The following MAST4 variants were observed in gnomAD, a reference collection of about 807,000 sequenced individuals.
MAST4 encodes microtubule-associated serine/threonine-protein kinase 4.
A neutral mutation model predicts 162.7 loss-of-function variants in MAST4; 89 were observed. That is an observed-to-expected ratio of 0.55 (90% CI 0.46 to 0.65). MAST4 has a LOEUF of 0.65. Ranked by LOEUF, MAST4 falls within the 30% of genes least tolerant of loss-of-function variation. MAST4 has a pLI of 0.00. For missense variants in MAST4, 3,153 were observed against 3,374.0 expected, an observed-to-expected ratio of 0.93 and a Z score of 1.62; for synonymous variants, 1,479 against 1,361.1, an observed-to-expected ratio of 1.09 and a Z score of -1.91.
At chr5:66,689,962 C>T (rs2149494313) in intron 1 of MAST4, among the ~76,000 whole-genome samples, 1 of 152,120 alleles carries the variant, frequency 6.6e-6, no homozygotes, top group East Asian at 1.9e-4. Context: ...ACTTGGCCTC[C>T]TCTATTGGAA....
At chr5:67,032,359 T>C (rs944520632) in intron 4 of MAST4, among the ~76,000 whole-genome samples, 4 of 152,192 alleles carry the variant, frequency 2.6e-5, no homozygotes, top group Non-Finnish European at 5.9e-5. Flanking sequence ...CCACGTTTTT[T>C]GCAAAATTTA....
chr5:66,919,016 T>G (rs1764296706), intron 4 of MAST4, among the ~76,000 whole-genome samples: 1 of 150,396 alleles, frequency 6.6e-6, no homozygotes, highest in Admixed American at 6.6e-5. Context: ...GATGGGAGAA[T>G]TACTTAAATC....
intron 1 of MAST4, among the ~76,000 whole-genome samples, chr5:66,656,450 C>G (rs897705823): frequency 3.3e-5 from 5 of 152,140 alleles, no homozygotes; most frequent in African/African-American, 1.2e-4. Flanking sequence ...AATAGCTTCC[C>G]TGGGTATATT....
chr5:66,711,902 C>T (rs918710158), intron 1 of MAST4, among the ~76,000 whole-genome samples: 1 of 152,078 alleles, frequency 6.6e-6, no homozygotes, highest in Non-Finnish European at 1.5e-5. Context: ...GATAATCTCC[C>T]CATCACAAGA....
In MAST4 at chr5:67,164,119, A is replaced by C; in HGVS notation, c.4940A>C (p.Asp1647Ala). Residue 1647 changes from aspartate (D) to alanine (A), a missense_variant, in exon 29 of 29, where the codon GAT becomes GCT. Around this residue, in one of 7 missense-constraint regions of MAST4, gnomAD observed 1,644 missense variants for 1,495.0 expected, o/e 1.10. Coordinates refer to ENST00000403625, the MANE Select transcript of MAST4 (RefSeq NM_001164664.2). This position sits in a 1 kb window ranked among gnomAD's most constrained non-coding sequence, Gnocchi z 5.3. ...GCCCCCGCTCCTGGCACCCTCCAGGATGGTCTCTGCCACTCCCTCGACAGG... is the reference window on the plus strand; with the variant it reads ...GCCCCCGCTCCTGGCACCCTCCAGGCTGGTCTCTGCCACTCCCTCGACAGG... ...RRAPAPGTLQ[D>A]GLCHSLDRGI... 3 of 1,596,466 alleles carry C rather than the reference A, an allele frequency of 1.9e-6. No individual in the cohort carries two copies. The highest frequency in any genetic ancestry group is 2.6e-6 in the Non-Finnish European group (3 of 1,170,886).
intron 4 of MAST4, chr5:67,005,132 C>T (rs1336475002): frequency 2.8e-6 from 2 of 724,060 alleles, no homozygotes; most frequent in East Asian, 5.3e-5. Flanking sequence ...CTTTCACTTC[C>T]CAGGGGCCCA....
chr5:66,872,821 C>G (rs26924), intron 3 of MAST4, among the ~76,000 whole-genome samples: 47,100 of 152,032 alleles, frequency 0.31, 9,116 homozygotes, highest in Non-Finnish European at 0.44. Context: ...TTAAGTACAT[C>G]CACTGTTATA....
intron 4 of MAST4, among the ~76,000 whole-genome samples, chr5:67,018,248 C>A (rs189660672): frequency 6.6e-6 from 1 of 152,100 alleles, no homozygotes; most frequent in Non-Finnish European, 1.5e-5. Flanking sequence ...TGTAATAGCT[C>A]GTTTGGACAG....
At chr5:66,792,346 T>C (rs1755453123) in intron 3 of MAST4, 1 of 167,880 alleles carries the variant, frequency 6.0e-6, no homozygotes, top group Admixed American at 6.5e-5. Flanking sequence ...CCGCCTGACA[T>C]GTATCATGGC....
At chr5:67,084,515 GA>G (rs1002865837) in intron 5 of MAST4, among the ~76,000 whole-genome samples, 5 of 152,068 alleles carry the variant, frequency 3.3e-5, no homozygotes, top group African/African-American at 9.7e-5. Flanking sequence ...TATTAAAGTA[GA>G]AAAAAACTAT....
intron 1 of MAST4, among the ~76,000 whole-genome samples, chr5:66,699,389 A>G (rs915078377): frequency 3.3e-5 from 5 of 152,178 alleles, no homozygotes; most frequent in African/African-American, 4.8e-5. Context: ...AGAGAACTGC[A>G]GGCCCTAAGG....
At position 67,149,515 on chromosome 5, in the gene MAST4, C is replaced by G; in HGVS notation, c.3221C>G (p.Thr1074Arg). ...ATGGCTCGGCAGCGATTAGAAAGCACAGAAAAAAAGAAAATCTCGGGGAAA... is the reference window on the plus strand; with the variant it reads ...ATGGCTCGGCAGCGATTAGAAAGCAGAGAAAAAAAGAAAATCTCGGGGAAA... The part of the protein sequence containing the change: ...SHMARQRLES[T>R]EKKKISGKVT... The change falls in exon 24 of 29, where the codon ACA (threonine) becomes AGA (arginine). Residue 1074 changes from threonine to arginine, a missense_variant. Physicochemically the swap from Thr to Arg is moderately conservative, Grantham distance 71. Around this residue, in one of 7 missense-constraint regions of MAST4, gnomAD observed 619 missense variants for 744.2 expected, o/e 0.83. Transcript: ENST00000403625. The G allele has an allele frequency of 6.2e-7, 1 of 1,613,748 alleles. No homozygotes were observed. Among genetic ancestry groups the G allele is most frequent in the Non-Finnish European group, 8.5e-7 (1 of 1,179,830 alleles).
chr5:67,147,411 T>C (rs774786134), intron 23 of MAST4, among the ~76,000 whole-genome samples: 2 of 152,234 alleles, frequency 1.3e-5, no homozygotes, highest in Non-Finnish European at 2.9e-5. Context: ...CTCACGCTTA[T>C]ATGCAGTGCT....
At chr5:67,010,263 A>G (rs558232029) in intron 4 of MAST4, among the ~76,000 whole-genome samples, 6 of 152,342 alleles carry the variant, frequency 3.9e-5, no homozygotes, top group Non-Finnish European at 7.4e-5. Flanking sequence ...AACTAAGTCA[A>G]TTGCCAATGT....
chr5:66,702,399 A>T (rs562676771), intron 1 of MAST4, among the ~76,000 whole-genome samples: 2 of 152,340 alleles, frequency 1.3e-5, no homozygotes, highest in Non-Finnish European at 2.9e-5. Context: ...GATGGGCAAC[A>T]CAGAAATAGT....
chr5:67,046,138 T>C (rs957042133), intron 4 of MAST4, among the ~76,000 whole-genome samples: 1 of 152,134 alleles, frequency 6.6e-6, no homozygotes, highest in Middle Eastern at 3.2e-3. Flanking sequence ...ATAGCCTCAG[T>C]GTGCAGTAGG....
rs1749495098 is a variant in MAST4 at position 66,986,372 on chromosome 5, G to C, written c.675-68032G>C. 1.2e-5 allele frequency: 12 copies of C among 1,035,232 alleles called. No homozygotes were observed. The East Asian group carries it at 3.1e-4, about 27-fold the overall frequency. The allele number at this position is 1,035,232 out of a possible 1,614,324, so 64.1% of individuals were successfully genotyped here. On this transcript the variant is annotated intron_variant, in intron 4 of 28. Coordinates refer to ENST00000403625, the MANE Select transcript of MAST4 (RefSeq NM_001164664.2). The stretch of plus-strand genomic sequence containing the variant: ...TATGTTGTTACACAGAGAAATACTT[G>C]CTCTTTATTTTAGAAAGAAAATCTG...
intron 18 of MAST4, 114 bp from the exon 19 acceptor site, chr5:67,136,449 C>A: frequency 1.4e-6 from 1 of 706,852 alleles, no homozygotes; most frequent in Non-Finnish European, 2.5e-6. Context: ...TTAGTAGGTC[C>A]GGAGTGGGCC....
intron 1 of MAST4, among the ~76,000 whole-genome samples, chr5:66,736,115 T>G (rs16895561): frequency 0.022 from 3,379 of 152,280 alleles, 128 homozygotes; most frequent in African/African-American, 0.077. Context: ...TAGCACCATC[T>G]TGTTTGTTTT....
Sources: gnomAD v4.1 joint callset for allele counts (sites outside exome capture counted in the v4.1 genomes callset) on GRCh38, gnomAD v4.1.1 for gene constraint, gnomAD v4.1.1 regional missense constraint, Gnocchi (gnomAD v3.1) non-coding constraint, MANE v1.5 for transcripts, NCBI Gene and HGNC (gene_info 2026-07-23, HGNC 2026-07-21) for gene names.